RNF19B: variants seen among roughly 807,000 people sequenced by gnomAD.
The protein encoded by RNF19B is ring finger protein 19B.
RNF19B carries 23 observed loss-of-function variants against 65.5 expected under a neutral mutation model. The ratio of observed to expected loss-of-function variants is 0.35; its 90% confidence interval spans 0.25 to 0.50. The LOEUF (loss-of-function observed/expected upper bound fraction) is 0.50. Ranked by LOEUF, RNF19B falls within the 20% of genes least tolerant of loss-of-function variation. The pLI is 0.98. For synonymous variants in RNF19B, 372 were observed against 379.6 expected (o/e 0.98, Z 0.23); for missense variants, 794 against 980.0 (o/e 0.81, Z 2.53).
chr1:32,937,495 T>C (rs530375726), intron 8 of RNF19B, among the ~76,000 whole-genome samples: 52 of 152,276 alleles, frequency 3.4e-4, no homozygotes, highest in Non-Finnish European at 5.4e-4. Context: ...GAGGACTGCC[T>C]GAGTCCAGGA....
chr1:32,960,060 A>AG (rs1557582720), intron 1 of RNF19B, among the ~76,000 whole-genome samples: 1 of 151,920 alleles, frequency 6.6e-6, no homozygotes, highest in Non-Finnish European at 1.5e-5. Flanking sequence ...CAAAAAAAAA[A>AG]AAATTATAAT....
Position 32,936,705 on chromosome 1 carries a change from A to G in RNF19B, c.*101T>C. On this transcript the variant is annotated 3_prime_UTR_variant, in exon 9 of 9. Coordinates refer to ENST00000235150, the MANE Select transcript of RNF19B (RefSeq NM_001300826.2). ...AAACCTGTGACCAGAGAATCTGTGA[A>G]ATAAAATACATAAATCTCTACCCCT... 8.8e-7 allele frequency: 1 copy of G among 1,138,138 alleles called. No individual in the cohort carries two copies. The highest frequency in any genetic ancestry group is 1.2e-6 in the Non-Finnish European group (1 of 850,316). 70.5% of individuals were successfully genotyped at this position (1,138,138 alleles called of 1,614,324 possible). A position where few individuals can be genotyped will look rare whatever the true frequency, so the allele number is the denominator to read the frequency against.
downstream of RNF19B, among the ~76,000 whole-genome samples, chr1:32,935,011 T>C (rs1203393902): frequency 5.9e-5 from 9 of 151,756 alleles, no homozygotes; most frequent in East Asian, 1.8e-3. Flanking sequence ...TTTGTATTTT[T>C]AGTAGAGACG....
chr1:32,937,226 A>G lies in RNF19B; in HGVS notation c.1776T>C (p.Ile592=), dbSNP rs1350904974. The change falls in exon 9 of 9, where the codon ATT becomes ATC. Residue 592 remains isoleucine (I), a synonymous_variant. Transcript: ENST00000235150. ...GCTGATAGTGGCTTGGTTTGGCTTCAATGTCCACTTGGATTTCCATATTGT... is the reference window on the plus strand; with the variant it reads ...GCTGATAGTGGCTTGGTTTGGCTTCGATGTCCACTTGGATTTCCATATTGT... ...ECNNMEIQVD[I]EAKPSHYQLV... is the part of the protein sequence containing the mutation. 6.2e-7 allele frequency: 1 copy of G among 1,613,992 alleles called. No homozygotes were observed. The highest frequency in any genetic ancestry group is 8.5e-7 in the Non-Finnish European group (1 of 1,179,998).
intron 1 of RNF19B, among the ~76,000 whole-genome samples, chr1:32,956,154 T>C (rs909721980): frequency 2.7e-5 from 4 of 149,886 alleles, no homozygotes; most frequent in Non-Finnish European, 5.9e-5. Flanking sequence ...TCACCTGAGG[T>C]CAGGAGTTCG....
At chr1:32,953,717 G>A (rs1642565421) in intron 1 of RNF19B, among the ~76,000 whole-genome samples, 1 of 152,006 alleles carries the variant, frequency 6.6e-6, no homozygotes, top group South Asian at 2.1e-4. Flanking sequence ...CCTCAAGACA[G>A]TGACTAGCTT....
At chr1:32,963,718 CAAAAAAAAAAAGAA>C (rs1225495081) in intron 1 of RNF19B, among the ~76,000 whole-genome samples, 1,559 of 105,874 alleles carry the variant, frequency 0.015, 31 homozygotes, top group African/African-American at 0.051. Context: ...ACTCCGTCTC[CAAAAAAAAAAAGAA>C]AAAAAAAAAA....
At chr1:32,963,346 T>G (rs1475650578) in intron 1 of RNF19B, among the ~76,000 whole-genome samples, 2 of 152,094 alleles carry the variant, frequency 1.3e-5, no homozygotes. Flanking sequence ...GACACACCCC[T>G]CCGACGCGCT....
chr1:32,932,681 C>T (rs1642041577), downstream of RNF19B, among the ~76,000 whole-genome samples: 1 of 152,210 alleles, frequency 6.6e-6, no homozygotes, highest in Non-Finnish European at 1.5e-5. Context: ...GCAAGCACTG[C>T]ATCTGTCTGG....
chr1:32,964,416 CGCCTCG>C lies in RNF19B; in HGVS notation c.264_269del (p.Glu91_Ala92del). 2 of 1,235,740 alleles carry C rather than the reference CGCCTCG, an allele frequency of 1.6e-6. No homozygotes were observed. The highest frequency in any genetic ancestry group is 4.3e-5 in the Admixed American group (1 of 23,326). The allele number at this position is 1,235,740 out of a possible 1,614,324, so 76.5% of individuals were successfully genotyped here. ...GCTCCGCCGCCGCCGCCGCGGCCTC[CGCCTCG>C]GCCTCGGCGGCCGGCTCGGCGGGCA... On this transcript the variant is annotated inframe_deletion, in exon 1 of 9. Coordinates refer to ENST00000235150, the MANE Select transcript of RNF19B (RefSeq NM_001300826.2). This position sits in a 1 kb window ranked among gnomAD's most constrained non-coding sequence, Gnocchi z 6.5.
intron 7 of RNF19B, among the ~76,000 whole-genome samples, 176 bp downstream of exon 7, chr1:32,942,076 C>T (rs531732650): frequency 6.6e-6 from 1 of 152,216 alleles, no homozygotes; most frequent in East Asian, 1.9e-4. Context: ...CAGCCTGAGC[C>T]ACAGAGTGAG....
chr1:32,964,764 C>T lies in RNF19B; in HGVS notation c.-79G>A. The T allele has an allele frequency of 4.0e-6, 5 of 1,243,900 alleles. 1 individual carries two copies. Among genetic ancestry groups the T allele is most frequent in the Non-Finnish European group, 5.1e-6 (5 of 979,928 alleles). 77.1% of individuals were successfully genotyped at this position (1,243,900 alleles called of 1,614,324 possible). On this transcript the variant is annotated 5_prime_UTR_variant, in exon 1 of 9. Transcript: ENST00000235150. This position sits in a 1 kb window ranked among gnomAD's most constrained non-coding sequence, Gnocchi z 6.5. Reference sequence around the variant, plus strand: ...TCAGCGCCCCTCAGCCAGCGCCCGGCCGCCGCCGACGCCGCCACCACCGCC... The same window carrying T: ...TCAGCGCCCCTCAGCCAGCGCCCGGTCGCCGCCGACGCCGCCACCACCGCC...
Position 32,948,203 on chromosome 1 carries a change from G to A in RNF19B, c.983+19C>T, listed in dbSNP as rs377693931. 2 of 1,611,338 alleles carry A rather than the reference G, an allele frequency of 1.2e-6. No individual in the cohort carries two copies. Among genetic ancestry groups the A allele is most frequent in the African/African-American group, 1.3e-5 (1 of 74,846 alleles). On this transcript the variant is annotated intron_variant, in intron 3 of 8. Coordinates refer to ENST00000235150, the MANE Select transcript of RNF19B (RefSeq NM_001300826.2). The stretch of plus-strand genomic sequence containing the variant: ...AGAGAATGAGACTACGAAAGGAATG[G>A]ATGCATTTCCCATCTTACCTGAGGT...
the RNF19B span, among the ~76,000 whole-genome samples, chr1:32,929,152 A>G: frequency 1.3e-5 from 2 of 152,102 alleles, no homozygotes; most frequent in African/African-American, 2.4e-5. Flanking sequence ...TGCCGCTCCC[A>G]GCTTCTGATG....
In RNF19B at chr1:32,956,420, C is replaced by T. The variant is rs114990315; in HGVS notation, c.636-6646G>A. Among the ~76,000 whole-genome samples, 752 of 150,278 alleles carry T rather than the reference C, an allele frequency of 5.0e-3. 7 individuals carry two copies. The highest frequency in any genetic ancestry group is 0.016 in the African/African-American group (668 of 40,856). On this transcript the variant is annotated intron_variant, in intron 1 of 8. Transcript: ENST00000235150. ...AAAATTAGCCGAGTGTGGTGGGGCG[C>T]GGTGGCGTGTGGTGGCACATGCCTG...
rs190980388 is a variant in RNF19B, at chr1:32,962,598, G to A, written c.635+1453C>T. Among the ~76,000 whole-genome samples the A allele has an allele frequency of 4.6e-5, 7 of 152,278 alleles. No individual in the cohort carries two copies. The East Asian group carries it at 1.3e-3, about 29-fold the overall frequency. ...ACTCTAAGACAGCTCCTTTTGAAAG[G>A]AGACAACCAGCAGCATCATGGAGAT... is the stretch of plus-strand genomic sequence containing the variant. On this transcript the variant is annotated intron_variant, in intron 1 of 8. Transcript: ENST00000235150.
chr1:32,936,136 G>C (rs1356981805), downstream of RNF19B, among the ~76,000 whole-genome samples: 1 of 152,180 alleles, frequency 6.6e-6, no homozygotes, highest in Non-Finnish European at 1.5e-5. Context: ...ATGCAGAAAA[G>C]GGCAAAGTTT....
chr1:32,943,705 T>C (rs1340821056), intron 6 of RNF19B, among the ~76,000 whole-genome samples: 3 of 152,130 alleles, frequency 2.0e-5, no homozygotes, highest in Non-Finnish European at 4.4e-5. Flanking sequence ...AGTGAGATAA[T>C]TGTGTAAAAT....
chr1:32,938,584 C>T (rs1270184613), intron 7 of RNF19B, 56 bp from the exon 8 acceptor site: 1 of 1,563,808 alleles, frequency 6.4e-7, no homozygotes, highest in Non-Finnish European at 8.8e-7. Context: ...CCAAGACAGT[C>T]TGCTTCCTGG....
Sources: allele counts gnomAD v4.1 joint callset (sites outside exome capture counted in the v4.1 genomes callset), GRCh38; gene constraint gnomAD v4.1.1; non-coding constraint Gnocchi (gnomAD v3.1); transcripts MANE v1.5; gene names NCBI Gene and HGNC (gene_info 2026-07-23, HGNC 2026-07-21).